NME7: variants seen among roughly 807,000 people sequenced by gnomAD.
NME7 encodes nucleoside diphosphate kinase 7.
Under a neutral mutation model 49.1 loss-of-function variants are expected in NME7, and 41 were observed. The ratio of observed to expected loss-of-function variants is 0.83; its 90% CI spans 0.65 to 1.08. The LOEUF is 1.08. Among genes scored for constraint, NME7 ranks in the 50% least tolerant of loss-of-function variants. The pLI, the probability that NME7 is intolerant of heterozygous loss-of-function variation, is 0.00. For missense variants in NME7, 423 were observed against 463.4 expected (o/e 0.91, Z 0.80); for synonymous variants, 139 against 150.6 (o/e 0.92, Z 0.56).
intron 3 of NME7, chr1:169,322,376 A>C (rs1651879681): frequency 6.6e-6 from 1 of 152,248 alleles, no homozygotes; most frequent in Admixed American, 6.5e-5. Context: ...TGGGAGGAAG[A>C]TAGGGAGGCG....
rs575122750 is a variant in NME7 at position 169,256,823 on chromosome 1, G to A, written c.755-19136C>T. Among the ~76,000 whole-genome samples, 118 of 131,510 alleles carry A rather than the reference G, an allele frequency of 9.0e-4. 30 individuals carry two copies. The highest frequency in any genetic ancestry group is 7.3e-3 in the South Asian group (31 of 4,218). 86.3% of individuals were successfully genotyped at this position (131,510 alleles called of 152,430 possible). ...TGCAGGTCTGTTGGAATACCCTGCC[G>A]TGTGAGGTGTCAGTGTGCTCTTGCT... is the stretch of plus-strand genomic sequence containing the variant. On this transcript the variant is annotated intron_variant, in intron 7 of 11. Transcript: ENST00000367811.
intron 1 of NME7, among the ~76,000 whole-genome samples, chr1:169,354,713 CAT>C (rs35180550): frequency 1.1e-4 from 15 of 140,630 alleles, no homozygotes; most frequent in East Asian, 4.0e-4. Flanking sequence ...TAAATGTATA[CAT>C]ATATATATAC....
intron 10 of NME7, among the ~76,000 whole-genome samples, chr1:169,182,132 G>T: frequency 6.8e-6 from 1 of 146,782 alleles, no homozygotes; most frequent in South Asian, 2.3e-4. Context: ...AGCTTCCAGA[G>T]TAGCTCGGAC....
At chr1:169,250,099 C>T (rs922999735) in intron 7 of NME7, among the ~76,000 whole-genome samples, 1 of 151,922 alleles carries the variant, frequency 6.6e-6, no homozygotes, top group African/African-American at 2.4e-5. Context: ...CCATGTGGCC[C>T]CAAGCTATTT....
At position 169,238,477 on chromosome 1, in the gene NME7, GCACACA is replaced by G. The variant is rs138287537; in HGVS notation, c.755-796_755-791del. On this transcript the variant is annotated intron_variant, in intron 7 of 11. Transcript: ENST00000367811. Reference sequence around the variant, plus strand: ...GTCTCTTACACATACATGCACAAAGGCACACACACACACACACACACACACACACAC... The same window carrying G: ...GTCTCTTACACATACATGCACAAAGGCACACACACACACACACACACACAC... Among the ~76,000 whole-genome samples the G allele has an allele frequency of 8.6e-3, 1,063 of 124,144 alleles. 11 individuals are homozygous for G. Among genetic ancestry groups the G allele is most frequent in the African/African-American group, 0.028 (960 of 34,566 alleles). 81.4% of individuals were successfully genotyped at this position (124,144 alleles called of 152,430 possible).
Position 169,257,029 on chromosome 1 carries a change from C to T in NME7, c.755-19342G>A, listed in dbSNP as rs561572460. Among the ~76,000 whole-genome samples, 1,046 of 132,398 alleles carry T rather than the reference C, an allele frequency of 7.9e-3. 124 individuals are homozygous for T. Among genetic ancestry groups the T allele is most frequent in the African/African-American group, 0.025 (993 of 39,384 alleles). 86.9% of individuals were successfully genotyped at this position (132,398 alleles called of 152,430 possible). On this transcript the variant is annotated intron_variant, in intron 7 of 11. Coordinates refer to ENST00000367811, the MANE Select transcript of NME7 (RefSeq NM_013330.5). ...CTGCTGTCTTTTTGTTTGTCTGTGC[C>T]CTGCCCCCAGAGGTGGAGCCTACAG...
chr1:169,345,929 T>C (rs942097165), intron 1 of NME7, among the ~76,000 whole-genome samples: 2 of 152,164 alleles, frequency 1.3e-5, no homozygotes, highest in Middle Eastern at 3.2e-3. Flanking sequence ...ATCCTTACCA[T>C]TGCTCAGGAC....
chr1:169,208,676 C>T (rs1660738698), intron 10 of NME7, among the ~76,000 whole-genome samples: 1 of 152,214 alleles, frequency 6.6e-6, no homozygotes, highest in South Asian at 2.1e-4. Flanking sequence ...AGAGCCATTT[C>T]ATTTGCATTC....
At chr1:169,179,184 G>A (rs1231291609) in intron 10 of NME7, among the ~76,000 whole-genome samples, 1 of 152,146 alleles carries the variant, frequency 6.6e-6, no homozygotes, top group Non-Finnish European at 1.5e-5. Context: ...TCTAATACAT[G>A]TGGCCAAAAA....
At chr1:169,185,259 A>G (rs1341469487) in intron 10 of NME7, among the ~76,000 whole-genome samples, 3 of 152,350 alleles carry the variant, frequency 2.0e-5, no homozygotes, top group South Asian at 4.1e-4. Flanking sequence ...GAACTTTTTC[A>G]TCTTGCTTGA....
At chr1:169,361,718 TG>T (rs1454282577) in intron 1 of NME7, among the ~76,000 whole-genome samples, 1 of 151,570 alleles carries the variant, frequency 6.6e-6, no homozygotes, top group African/African-American at 2.4e-5. Flanking sequence ...AGGCAGAGGT[TG>T]CAGTGAGTGG....
At chr1:169,306,835 C>T (rs1469139712) in intron 4 of NME7, among the ~76,000 whole-genome samples, 3 of 151,982 alleles carry the variant, frequency 2.0e-5, no homozygotes, top group South Asian at 2.1e-4. Context: ...GGCAACAAAG[C>T]GAGACCACGT....
rs759955956 is a variant in NME7, at chr1:169,298,540, T to C, written c.648+16A>G. ...CAGAACTAGAAGAGCATTAAAATAT[T>C]TTTAAAACACCTTACTCTGGCCGCA... On this transcript the variant is annotated intron_variant, in intron 6 of 11. Transcript: ENST00000367811. 13 of 1,609,096 alleles carry C rather than the reference T, an allele frequency of 8.1e-6. No individual in the cohort carries two copies. Among genetic ancestry groups the C allele is most frequent in the Non-Finnish European group, 1.1e-5 (13 of 1,178,300 alleles).
intron 11 of NME7, among the ~76,000 whole-genome samples, chr1:169,137,145 G>A (rs1658455945): frequency 6.6e-6 from 1 of 152,226 alleles, no homozygotes; most frequent in Admixed American, 6.5e-5. Flanking sequence ...AGTGTATTTA[G>A]TAGATGACCA....
At chr1:169,295,155 C>T (rs375341146) in intron 6 of NME7, among the ~76,000 whole-genome samples, 2 of 152,076 alleles carry the variant, frequency 1.3e-5, no homozygotes, top group African/African-American at 4.8e-5. Context: ...TCTTGATGTC[C>T]CAGCCATCAG....
chr1:169,288,612 A>AT (rs1393352605), intron 6 of NME7, among the ~76,000 whole-genome samples: 1 of 152,158 alleles, frequency 6.6e-6, no homozygotes, highest in East Asian at 1.9e-4. Context: ...ACTGATGAGC[A>AT]TTTTTTTAAA....
chr1:169,154,065 G>C lies in NME7; in HGVS notation c.1098+15382C>G, dbSNP rs549329641. 2.0e-5 allele frequency among the ~76,000 whole-genome samples: 3 copies of C among 152,144 alleles called. No individual in the cohort carries two copies. In the East Asian group the frequency reaches 5.8e-4, roughly 29 times the overall value. ...AATCTCACTCTGTCATCCAGCTGGA[G>C]TACAGTGGCATGATCACAGCTCATG... On this transcript the variant is annotated intron_variant, in intron 11 of 11. Transcript: ENST00000367811.
chr1:169,203,980 C>T (rs375442738), intron 10 of NME7, among the ~76,000 whole-genome samples: 43 of 152,106 alleles, frequency 2.8e-4, no homozygotes, highest in African/African-American at 9.9e-4. Context: ...CCTCAGTCTC[C>T]CAAGTAGCTG....
At chr1:169,211,464 T>G (rs918158191) in intron 10 of NME7, among the ~76,000 whole-genome samples, 1 of 152,190 alleles carries the variant, frequency 6.6e-6, no homozygotes, top group African/African-American at 2.4e-5. Context: ...TCATCTATCT[T>G]GTTGCTTTTG....
Sources: allele counts gnomAD v4.1 joint callset (sites outside exome capture counted in the v4.1 genomes callset), GRCh38; gene constraint gnomAD v4.1.1; transcripts MANE v1.5; gene names NCBI Gene and HGNC (gene_info 2026-07-23, HGNC 2026-07-21).